The following PAGE2B variants were observed in gnomAD, a reference collection of about 807,000 sequenced individuals.
PAGE2B encodes putative G antigen family E member 3.
PAGE2B carries 5 observed loss-of-function variants against 7.6 expected under a neutral mutation model. That is an observed-to-expected ratio of 0.66 (90% confidence interval 0.34 to 1.38). PAGE2B has a LOEUF of 1.38. Among genes scored for constraint, PAGE2B ranks in the 40% most tolerant of loss-of-function variants. The pLI is 0.04. For synonymous variants in PAGE2B, 29 were observed against 26.7 expected, an observed-to-expected ratio of 1.09 and a Z score of -0.27; for missense variants, 70 against 78.4, an observed-to-expected ratio of 0.89 and a Z score of 0.41.
chrX:55,070,222 T>C (rs1352984922), upstream of PAGE2B, among the ~76,000 whole-genome samples: 9 of 111,916 alleles, frequency 8.0e-5, no homozygotes, highest in Admixed American at 8.6e-4. Context: ...GTCCCAGTAA[T>C]CTGGTATGTT....
chrX:55,050,582 T>C, the PAGE2B span, among the ~76,000 whole-genome samples: 1 of 111,085 alleles, frequency 9.0e-6, no homozygotes, highest in Non-Finnish European at 1.9e-5. Flanking sequence ...TTGTCTCTTT[T>C]GATCTTTGTT....
chrX:55,052,081 C>T, the PAGE2B span, among the ~76,000 whole-genome samples: 1 of 112,054 alleles, frequency 8.9e-6, no homozygotes, highest in African/African-American at 3.2e-5. Context: ...CCACTCCAGA[C>T]CCTGTTTGCA....
At position 55,075,544 on chromosome X, in the gene PAGE2B, C is replaced by T. The variant is rs143138175; in HGVS notation, c.-9+430C>T. Among the ~76,000 whole-genome samples, 1,025 of 110,843 alleles carry T rather than the reference C, an allele frequency of 9.2e-3. 15 individuals carry two copies. The highest frequency in any genetic ancestry group is 0.032 in the African/African-American group (978 of 30,426). On this transcript the variant is annotated intron_variant, in intron 1 of 4. Coordinates refer to ENST00000374971, the MANE Select transcript of PAGE2B (RefSeq NM_001015038.3). ...GCCCCGAGGTCTGTAGAGTGCCTGGCAGAGGTGTCCCGTGAGGAGCATAAC... is the reference window on the plus strand; with the variant it reads ...GCCCCGAGGTCTGTAGAGTGCCTGGTAGAGGTGTCCCGTGAGGAGCATAAC...
the PAGE2B span, among the ~76,000 whole-genome samples, chrX:55,039,825 C>T: frequency 1.5e-4 from 17 of 112,026 alleles, no homozygotes; most frequent in Admixed American, 1.0e-3. Context: ...GGATTCAGCC[C>T]GGGGCTGGCC....
At chrX:55,048,435 G>T in the PAGE2B span, among the ~76,000 whole-genome samples, 3 of 111,820 alleles carry the variant, frequency 2.7e-5, no homozygotes. Flanking sequence ...TCCTACCCAT[G>T]AGCATGGAAT....
At chrX:55,047,954 A>G in the PAGE2B span, among the ~76,000 whole-genome samples, 1 of 111,972 alleles carries the variant, frequency 8.9e-6, no homozygotes, top group South Asian at 3.7e-4. Context: ...TTTAGGTCTA[A>G]CATGTAAGTC....
the PAGE2B span, among the ~76,000 whole-genome samples, chrX:55,047,379 C>G: frequency 5.3e-3 from 595 of 111,662 alleles, 5 homozygotes; most frequent in African/African-American, 0.019. Flanking sequence ...AATAAACATA[C>G]GTGTGCATGT....
chrX:55,055,874 C>G, the PAGE2B span: 1 of 101,424 alleles, frequency 9.9e-6, no homozygotes, highest in Non-Finnish European at 2.0e-5. Flanking sequence ...GGGAAAAGGT[C>G]TTTGGAAACT....
At chrX:55,075,244 C>A in intron 1 of PAGE2B, 130 bp downstream of exon 1, 1 of 139,228 alleles carries the variant, frequency 7.2e-6, no homozygotes, top group Non-Finnish European at 1.4e-5. Flanking sequence ...GGTCGTCGTC[C>A]GGCCCCTCCC....
At chrX:55,049,909 A>G in the PAGE2B span, among the ~76,000 whole-genome samples, 3 of 111,760 alleles carry the variant, frequency 2.7e-5, no homozygotes, top group Admixed American at 1.9e-4. Flanking sequence ...TAGGATGTCA[A>G]TTTTAGATCT....
the PAGE2B span, among the ~76,000 whole-genome samples, chrX:55,030,611 G>A: frequency 2.7e-5 from 3 of 111,510 alleles, no homozygotes; most frequent in Non-Finnish European, 5.7e-5. Context: ...GAGACAAAAA[G>A]GGGGAGAGAA....
the PAGE2B span, among the ~76,000 whole-genome samples, chrX:55,037,661 AAC>A: frequency 9.0e-6 from 1 of 111,164 alleles, no homozygotes; most frequent in Non-Finnish European, 1.9e-5. Flanking sequence ...CCAAATGTCC[AAC>A]AATGATAGAC....
At chrX:55,034,815 T>A in the PAGE2B span, among the ~76,000 whole-genome samples, 8 of 106,913 alleles carry the variant, frequency 7.5e-5, no homozygotes, top group African/African-American at 2.5e-4. Context: ...TATATACATG[T>A]ATATATATAT....
the PAGE2B span, among the ~76,000 whole-genome samples, chrX:55,029,175 C>A: frequency 8.9e-6 from 1 of 111,732 alleles, no homozygotes; most frequent in African/African-American, 3.3e-5. Context: ...CATGAATATA[C>A]CAGGCTGGGT....
the PAGE2B span, among the ~76,000 whole-genome samples, chrX:55,033,068 G>A: frequency 1.8e-5 from 2 of 111,317 alleles, no homozygotes; most frequent in East Asian, 5.6e-4. Flanking sequence ...CTGGCACCTT[G>A]TCTTATGTCT....
chrX:55,077,738 C>A (rs771203770), intron 4 of PAGE2B, among the ~76,000 whole-genome samples: 5 of 112,467 alleles, frequency 4.4e-5, no homozygotes, highest in Admixed American at 2.8e-4. Context: ...CTTTGGGAGG[C>A]CGAGACAGAA....
the PAGE2B span, among the ~76,000 whole-genome samples, chrX:55,050,736 C>A: frequency 1.1e-4 from 12 of 111,687 alleles, no homozygotes; most frequent in Non-Finnish European, 3.8e-5. Flanking sequence ...GAATATAGCA[C>A]ACTGACAGGT....
At chrX:55,046,366 G>A in the PAGE2B span, among the ~76,000 whole-genome samples, 2 of 111,387 alleles carry the variant, frequency 1.8e-5, no homozygotes, top group Non-Finnish European at 3.8e-5. Flanking sequence ...TGCCCGCCTC[G>A]GCCTCTCAAA....
chrX:55,048,850 G>A, the PAGE2B span, among the ~76,000 whole-genome samples: 1 of 111,655 alleles, frequency 9.0e-6, no homozygotes, highest in African/African-American at 3.3e-5. Context: ...ATGTTGAATA[G>A]GAGTGGTGAG....
Sources: allele counts gnomAD v4.1 joint callset (sites outside exome capture counted in the v4.1 genomes callset), GRCh38; gene constraint gnomAD v4.1.1; transcripts MANE v1.5; gene names NCBI Gene and HGNC (gene_info 2026-07-23, HGNC 2026-07-21).